Variants in ZXDC observed in about 807,000 individuals in gnomAD.
The protein encoded by ZXDC is ZXD family zinc finger C.
In ZXDC, 58 loss-of-function variants were observed where a neutral mutation model predicts 63.6. That is an observed-to-expected ratio of 0.91 (90% confidence interval 0.74 to 1.13). The LOEUF (loss-of-function observed/expected upper bound fraction) is 1.13. ZXDC is among the 50% of genes most tolerant of loss of function. The pLI is 0.00. For synonymous variants in ZXDC, 561 were observed against 496.1 expected, an observed-to-expected ratio of 1.13 and a Z score of -1.74; for missense variants, 1,133 against 1,148.9, an observed-to-expected ratio of 0.99 and a Z score of 0.20.
At chr3:126,439,561 G>A (rs932397371) in intron 9 of ZXDC, 71 bp downstream of exon 9, 1 of 1,550,244 alleles carries the variant, frequency 6.5e-7, no homozygotes, top group Non-Finnish European at 8.7e-7. Context: ...CAGCTGTGAA[G>A]CCAGGCTTCT....
intron 7 of ZXDC, chr3:126,459,132 T>C: frequency 2.0e-6 from 2 of 985,508 alleles, no homozygotes; most frequent in Non-Finnish European, 2.4e-6. Flanking sequence ...GGACAGATGC[T>C]TGAGGCCATA....
rs907840766 is a variant in ZXDC at position 126,475,842 on chromosome 3, G to A, written c.24C>T (p.Pro8=). 7 of 1,079,918 alleles carry A rather than the reference G, an allele frequency of 6.5e-6. No homozygotes were observed. In the African/African-American group the frequency reaches 1.2e-4, roughly 18 times the overall value. 66.9% of individuals were successfully genotyped at this position (1,079,918 alleles called of 1,614,324 possible). The change falls in exon 1 of 10, where the codon CCC becomes CCT. Residue 8 remains proline (P), a synonymous_variant. Transcript: ENST00000389709. MDLPALL[P]APTARGGQHG... ...GTTGCCCTCCGCGCGCAGTCGGGGC[G>A]GGGAGCAGCGCCGGGAGGTCCATCT... is the stretch of plus-strand genomic sequence containing the variant.
intron 7 of ZXDC, chr3:126,453,137 A>G: frequency 1.0e-6 from 1 of 985,416 alleles, no homozygotes; most frequent in Non-Finnish European, 1.2e-6. Context: ...AACTATTCAT[A>G]TTCTTATTTC....
In ZXDC at chr3:126,441,785, C is replaced by A; in HGVS notation, c.2374G>T (p.Val792Phe). The change falls in exon 8 of 10, where the codon GTC (valine) becomes TTC (phenylalanine). Residue 792 changes from valine (V) to phenylalanine (F), a missense_variant. Val to Phe is a conservative substitution (Grantham distance 50). Coordinates refer to ENST00000389709, the MANE Select transcript of ZXDC (RefSeq NM_025112.5). Reference sequence around the variant, plus strand: ...CTCACCTGCACCAGCTGGACCTGGACGCCCTGCGCCCCGCACTGCACCCCA... The same window carrying A: ...CTCACCTGCACCAGCTGGACCTGGAAGCCCTGCGCCCCGCACTGCACCCCA... Reference protein sequence around the residue: ...AAGVQCGAQGVQVQLVQDDPS... With the variant: ...AAGVQCGAQGFQVQLVQDDPS... 6.2e-7 allele frequency: 1 copy of A among 1,602,650 alleles called. No individual in the cohort carries two copies. The highest frequency in any genetic ancestry group is 8.5e-7 in the Non-Finnish European group (1 of 1,176,124).
At chr3:126,469,020 C>T (rs1405313963) in intron 4 of ZXDC, among the ~76,000 whole-genome samples, 4 of 152,168 alleles carry the variant, frequency 2.6e-5, no homozygotes, top group Non-Finnish European at 5.9e-5. Flanking sequence ...TTTCCATATG[C>T]GCTAAACTTA....
At chr3:126,469,339 GC>G (rs1934891491) in intron 4 of ZXDC, among the ~76,000 whole-genome samples, 1 of 152,132 alleles carries the variant, frequency 6.6e-6, no homozygotes, top group African/African-American at 2.4e-5. Context: ...CACATCCCCT[GC>G]CCTCTGCGCA....
At chr3:126,460,546 G>A (rs1934485550) in intron 6 of ZXDC, 1 of 985,328 alleles carries the variant, frequency 1.0e-6, no homozygotes, top group Non-Finnish European at 1.2e-6. Flanking sequence ...AGGCACCGAG[G>A]CACACAGTCC....
intron 4 of ZXDC, among the ~76,000 whole-genome samples, chr3:126,470,295 T>C (rs1934935419): frequency 6.6e-6 from 1 of 152,106 alleles, no homozygotes; most frequent in Non-Finnish European, 1.5e-5. Flanking sequence ...GGTGAAACCC[T>C]GTCTCTACTA....
In ZXDC at chr3:126,441,670, G is replaced by A. The variant is rs1286885851; in HGVS notation, c.2394+95C>T. ...GGGGCAGGCAGGCAGGGGGTGCTGCGATGGGCAGGGGATGCAGCATGCCGC... is the reference window on the plus strand; with the variant it reads ...GGGGCAGGCAGGCAGGGGGTGCTGCAATGGGCAGGGGATGCAGCATGCCGC... On this transcript the variant is annotated intron_variant, in intron 8 of 9. Transcript: ENST00000389709. The A allele has an allele frequency of 4.2e-6, 6 of 1,442,798 alleles. No individual in the cohort carries two copies. In the East Asian group the frequency reaches 1.3e-4, roughly 30 times the overall value. 89.4% of individuals were successfully genotyped at this position (1,442,798 alleles called of 1,614,324 possible). A position where few individuals can be genotyped will look rare whatever the true frequency, so the allele number is the denominator to read the frequency against.
In ZXDC at chr3:126,438,322, G is replaced by C. The variant is rs1933539868; in HGVS notation, c.*53C>G. ...CCCCAGGCTCATGTCATGAGTCTCA[G>C]GGAAGGTGTGTCCTAGACCGTGGCC... On this transcript the variant is annotated 3_prime_UTR_variant, in exon 10 of 10. Coordinates refer to ENST00000389709, the MANE Select transcript of ZXDC (RefSeq NM_025112.5). 6 of 1,495,146 alleles carry C rather than the reference G, an allele frequency of 4.0e-6. No homozygotes were observed. In the Admixed American group the frequency reaches 5.5e-5, roughly 14 times the overall value. The allele number at this position is 1,495,146 out of a possible 1,614,324, so 92.6% of individuals were successfully genotyped here.
chr3:126,470,487 A>C (rs187932295), intron 4 of ZXDC, among the ~76,000 whole-genome samples: 1 of 152,332 alleles, frequency 6.6e-6, no homozygotes, highest in East Asian at 1.9e-4. Flanking sequence ...AAAAAGAAAA[A>C]GTCAGTCTAG....
chr3:126,458,112 A>G (rs1934382268), intron 7 of ZXDC, among the ~76,000 whole-genome samples: 1 of 152,214 alleles, frequency 6.6e-6, no homozygotes, highest in African/African-American at 2.4e-5. Context: ...AGTTACATAA[A>G]ATATTTGAGG....
chr3:126,473,999 T>C (rs1184563102), intron 1 of ZXDC, among the ~76,000 whole-genome samples: 1 of 151,926 alleles, frequency 6.6e-6, no homozygotes, highest in East Asian at 1.9e-4. Flanking sequence ...GAGCTCACTG[T>C]GTTGGAGTCC....
chr3:126,465,535 G>A (rs904755746), intron 5 of ZXDC, among the ~76,000 whole-genome samples: 4 of 152,228 alleles, frequency 2.6e-5, no homozygotes, highest in Admixed American at 2.0e-4. Context: ...TGAGGCAGAC[G>A]GAAACACAGG....
At chr3:126,461,157 A>C (rs2107647240) in intron 6 of ZXDC, 2 of 999,484 alleles carry the variant, frequency 2.0e-6, no homozygotes, top group Middle Eastern at 5.0e-4. Context: ...GAACCTCTGA[A>C]GGTGGCTTAT....
intron 5 of ZXDC, among the ~76,000 whole-genome samples, chr3:126,463,608 G>A (rs181381892): frequency 5.3e-5 from 8 of 152,304 alleles, no homozygotes; most frequent in Admixed American, 3.9e-4. Flanking sequence ...AGTAAAATGG[G>A]AGCATAATTA....
chr3:126,464,706 CA>C (rs1215175605), intron 5 of ZXDC, among the ~76,000 whole-genome samples: 1 of 151,964 alleles, frequency 6.6e-6, no homozygotes, highest in South Asian at 2.1e-4. Flanking sequence ...AGGGAACGGC[CA>C]AACAGGGGAG....
At chr3:126,438,605 A>G (rs1933553959) in intron 9 of ZXDC, 144 bp from the exon 10 acceptor site, 1 of 656,888 alleles carries the variant, frequency 1.5e-6, no homozygotes, top group East Asian at 2.8e-5. Flanking sequence ...CCTTATTCTA[A>G]ACACATGTTC....
At chr3:126,469,008 G>A (rs1220426927) in intron 4 of ZXDC, among the ~76,000 whole-genome samples, 1 of 152,200 alleles carries the variant, frequency 6.6e-6, no homozygotes, top group Non-Finnish European at 1.5e-5. Flanking sequence ...ATATACTGAT[G>A]TTTTCCATAT....
Sources: gnomAD v4.1 joint callset for allele counts (sites outside exome capture counted in the v4.1 genomes callset) on GRCh38, gnomAD v4.1.1 for gene constraint, MANE v1.5 for transcripts, NCBI Gene and HGNC (gene_info 2026-07-23, HGNC 2026-07-21) for gene names.